Variants in ADGRL2 observed in about 807,000 individuals in gnomAD.
The protein encoded by ADGRL2 is adhesion G protein-coupled receptor L2.
ADGRL2 carries 44 observed loss-of-function variants against 157.4 expected under a neutral mutation model. That is an observed-to-expected ratio of 0.28 (90% CI 0.22 to 0.36). The LOEUF (loss-of-function observed/expected upper bound fraction) is 0.36, where lower values mean the gene tolerates loss of function less well. Ranked by LOEUF, ADGRL2 falls within the 10% of genes least tolerant of loss-of-function variation. The pLI is 1.00. For missense variants in ADGRL2, 1,510 were observed against 1,768.9 expected, an observed-to-expected ratio of 0.85 and a Z score of 2.63; for synonymous variants, 585 against 624.7, an observed-to-expected ratio of 0.94 and a Z score of 0.95.
chr1:81,393,818 CTTT>C (rs35350823), intron 1 of ADGRL2, among the ~76,000 whole-genome samples: 2,921 of 126,582 alleles, frequency 0.023, 73 homozygotes, highest in South Asian at 0.06. Flanking sequence ...TATTGCCTTG[CTTT>C]TTTTTTTTTT....
chr1:81,377,903 G>A (rs577548171), intron 1 of ADGRL2, among the ~76,000 whole-genome samples: 1 of 152,172 alleles, frequency 6.6e-6, no homozygotes, highest in East Asian at 1.9e-4. Context: ...GGGTGGTACC[G>A]GGCACGGTGG....
rs573774273 is a variant in ADGRL2 at position 81,956,010 on chromosome 1, C to G, written c.1967C>G (p.Ala656Gly). 1.6e-5 allele frequency: 26 copies of G among 1,611,632 alleles called. No homozygotes were observed. In the South Asian group the frequency reaches 2.8e-4, roughly 17 times the overall value. Residue 656 changes from alanine (A) to glycine (G), a missense_variant, in exon 11 of 24, where the codon GCT becomes GGT. By Grantham distance (60) the Ala-to-Gly change is moderately conservative (BLOSUM62 0). Transcript: ENST00000686636. ...TTGGAAGAAGGAGCTTTTGTCCTAG[C>G]TGACAATCTTTTAGAACCAACAAGG... ...DTLEEGAFVL[A>G]DNLLEPTRVS...
At chr1:81,786,777 G>A (rs576603527) in intron 2 of ADGRL2, among the ~76,000 whole-genome samples, 2 of 152,250 alleles carry the variant, frequency 1.3e-5, no homozygotes, top group African/African-American at 4.8e-5. Context: ...GTGTTTGGCG[G>A]TTTCTGCTAT....
chr1:81,904,904 AC>A (rs1200470693), intron 2 of ADGRL2, among the ~76,000 whole-genome samples: 1 of 151,908 alleles, frequency 6.6e-6, no homozygotes, highest in East Asian at 2.0e-4. Flanking sequence ...AGTTATAAAG[AC>A]CCAGTCACCT....
At chr1:81,946,000 G>A (rs1649700473) in intron 6 of ADGRL2, among the ~76,000 whole-genome samples, 1 of 151,980 alleles carries the variant, frequency 6.6e-6, no homozygotes, top group African/African-American at 2.4e-5. Flanking sequence ...CACAAATTTA[G>A]GTCAAACCAA....
intron 3 of ADGRL2, among the ~76,000 whole-genome samples, chr1:81,634,515 T>G (rs1410971745): frequency 3.2e-5 from 3 of 92,950 alleles, no homozygotes; most frequent in Non-Finnish European, 5.2e-5. Context: ...CTATCTTGTT[T>G]TTTTTTTTTT....
At chr1:81,531,115 C>G (rs1022786572) in intron 2 of ADGRL2, among the ~76,000 whole-genome samples, 2 of 151,270 alleles carry the variant, frequency 1.3e-5, no homozygotes, top group Non-Finnish European at 2.9e-5. Flanking sequence ...AAGGTAAATG[C>G]CTAGCACTCT....
At position 81,970,327 on chromosome 1, in the gene ADGRL2, T is replaced by C. The variant is rs1238007695; in HGVS notation, c.2747T>C (p.Ile916Thr). ...TTTCCCCCGTAGATTGCATGCCCAA[T>C]ATTTGCAGGACTTCTACACTTTTTC... is the stretch of plus-strand genomic sequence containing the variant. The part of the protein sequence containing the change: ...DKTKYAIACP[I>T]FAGLLHFFFL... Residue 916 changes from isoleucine (I) to threonine (T), a missense_variant, in exon 16 of 24, where the codon ATA becomes ACA. Ile to Thr is a moderately conservative substitution (Grantham distance 89). Around this residue, in one of 4 missense-constraint regions of ADGRL2, gnomAD observed 497 missense variants for 627.2 expected, o/e 0.79. Transcript: ENST00000686636. The C allele has an allele frequency of 3.7e-6, 6 of 1,610,022 alleles. No individual in the cohort carries two copies. The Admixed American group carries it at 5.1e-5, about 14-fold the overall frequency.
chr1:81,606,503 A>G (rs566508903), intron 3 of ADGRL2, among the ~76,000 whole-genome samples: 4,006 of 151,736 alleles, frequency 0.026, 162 homozygotes, highest in African/African-American at 0.092. Flanking sequence ...ACATGCACAC[A>G]CACACACACA....
intron 2 of ADGRL2, chr1:81,502,996 G>T (rs2078888199): frequency 6.2e-7 from 1 of 1,613,328 alleles, no homozygotes; most frequent in Middle Eastern, 1.8e-4. Context: ...AAATCGTCTG[G>T]CTGTGCCCGT....
At chr1:81,679,249 T>A (rs2083058955) in intron 3 of ADGRL2, among the ~76,000 whole-genome samples, 1 of 151,802 alleles carries the variant, frequency 6.6e-6, no homozygotes, top group South Asian at 2.1e-4. Context: ...GGGTAGGAGG[T>A]CAGGCCAATT....
At chr1:81,777,530 G>C (rs1315166752) in intron 2 of ADGRL2, among the ~76,000 whole-genome samples, 1 of 152,144 alleles carries the variant, frequency 6.6e-6, no homozygotes, top group African/African-American at 2.4e-5. Context: ...CAGCACTTTG[G>C]GAGGCAGAGG....
chr1:81,992,686 A>G lies in ADGRL2; in HGVS notation c.*1541A>G, dbSNP rs1558071472. ...TGCATTGTACCAGGACTAAAAAAAG[A>G]AGGATTGGAAGTTCTGCCATCAAAT... On this transcript the variant is annotated 3_prime_UTR_variant, in exon 24 of 24. Coordinates refer to ENST00000686636, the MANE Select transcript of ADGRL2 (RefSeq NM_001366006.2). Among the ~76,000 whole-genome samples, 1 of 152,130 alleles carries G rather than the reference A, an allele frequency of 6.6e-6. No individual in the cohort carries two copies. Among genetic ancestry groups the G allele is most frequent in the South Asian group, 2.1e-4 (1 of 4,832 alleles).
In ADGRL2 at chr1:81,991,337, C is replaced by T. The variant is rs1424819411; in HGVS notation, c.*192C>T. On this transcript the variant is annotated 3_prime_UTR_variant, in exon 24 of 24. Transcript: ENST00000686636. ...AACATACAAAAACTTTGTATATACACAGAGTATACTAAAGTGAATTATTTG... is the reference window on the plus strand; with the variant it reads ...AACATACAAAAACTTTGTATATACATAGAGTATACTAAAGTGAATTATTTG... 4.0e-6 allele frequency: 2 copies of T among 499,696 alleles called. No homozygotes were observed. The highest frequency in any genetic ancestry group is 7.1e-6 in the Non-Finnish European group (2 of 282,704). The allele number at this position is 499,696 out of a possible 1,614,324, so 31.0% of individuals were successfully genotyped here.
At chr1:81,900,286 G>A (rs1430802060) in intron 2 of ADGRL2, among the ~76,000 whole-genome samples, 1 of 152,094 alleles carries the variant, frequency 6.6e-6, no homozygotes, top group African/African-American at 2.4e-5. Context: ...AACAAACGGG[G>A]AAACATTATT....
At chr1:81,364,912 C>T (rs964444829) in intron 1 of ADGRL2, among the ~76,000 whole-genome samples, 2 of 152,120 alleles carry the variant, frequency 1.3e-5, no homozygotes, top group African/African-American at 2.4e-5. Flanking sequence ...GATCCACACA[C>T]CTAGGCCTCC....
At chr1:81,452,154 G>T (rs1175924227) in intron 2 of ADGRL2, among the ~76,000 whole-genome samples, 1 of 151,810 alleles carries the variant, frequency 6.6e-6, no homozygotes, top group African/African-American at 2.4e-5. Flanking sequence ...CTTTCTCCTT[G>T]TGACTTATCT....
intron 1 of ADGRL2, among the ~76,000 whole-genome samples, chr1:81,746,930 A>G (rs1039212461): frequency 8.1e-5 from 12 of 148,602 alleles, no homozygotes; most frequent in Non-Finnish European, 1.6e-4. Flanking sequence ...ATACGTATAT[A>G]CACACGTATA....
chr1:81,757,788 A>G, intron 1 of ADGRL2, among the ~76,000 whole-genome samples: 1 of 152,212 alleles, frequency 6.6e-6, no homozygotes, highest in East Asian at 1.9e-4. Flanking sequence ...TTAGGTAGAA[A>G]CAGATGCTTA....
Sources: gnomAD v4.1 joint callset for allele counts (sites outside exome capture counted in the v4.1 genomes callset) on GRCh38, gnomAD v4.1.1 for gene constraint, gnomAD v4.1.1 regional missense constraint, MANE v1.5 for transcripts, NCBI Gene and HGNC (gene_info 2026-07-23, HGNC 2026-07-21) for gene names.